The following ERCC6L2 variants were observed in gnomAD, a reference collection of about 807,000 sequenced individuals.
ERCC6L2 encodes DNA excision repair protein ERCC-6-like 2.
In ERCC6L2, 77 loss-of-function variants were observed where a neutral mutation model predicts 132.0. The observed-to-expected ratio is 0.58, with a 90% CI of 0.49 to 0.71. The LOEUF is 0.71. Among genes scored for constraint, ERCC6L2 ranks in the 30% least tolerant of loss-of-function variants. The pLI, the probability that ERCC6L2 is intolerant of heterozygous loss-of-function variation, is 0.00. For synonymous variants in ERCC6L2, 583 were observed against 632.4 expected, an observed-to-expected ratio of 0.92 and a Z score of 1.17; for missense variants, 1,542 against 1,837.6, an observed-to-expected ratio of 0.84 and a Z score of 2.94.
At chr9:96,036,116 C>A (rs1466236491) in intron 19 of ERCC6L2, among the ~76,000 whole-genome samples, 1 of 152,036 alleles carries the variant, frequency 6.6e-6, no homozygotes, top group Admixed American at 6.6e-5. Flanking sequence ...CCAGTAATAC[C>A]CACACTCACA....
At chr9:95,984,429 A>C (rs879216586) in intron 17 of ERCC6L2, among the ~76,000 whole-genome samples, 2 of 151,494 alleles carry the variant, frequency 1.3e-5, no homozygotes, top group Admixed American at 1.3e-4. Flanking sequence ...TCAGCCTTAT[A>C]TTTCTGATCC....
chr9:95,932,297 C>T (rs905857619), intron 11 of ERCC6L2, among the ~76,000 whole-genome samples: 3 of 152,122 alleles, frequency 2.0e-5, no homozygotes, highest in Admixed American at 2.0e-4. Context: ...AACTCCTGAC[C>T]TCGTGATCTA....
intron 19 of ERCC6L2, among the ~76,000 whole-genome samples, chr9:96,026,779 A>G (rs1286118745): frequency 1.2e-5 from 1 of 86,686 alleles, no homozygotes; most frequent in Non-Finnish European, 2.1e-5. Context: ...CCACACACAA[A>G]CACCACACAC....
At chr9:96,030,720 AGC>A (rs1320119393) in intron 19 of ERCC6L2, among the ~76,000 whole-genome samples, 5 of 149,934 alleles carry the variant, frequency 3.3e-5, no homozygotes, top group African/African-American at 7.4e-5. Flanking sequence ...AAAAAAAAAA[AGC>A]TGTAACACTC....
intron 17 of ERCC6L2, among the ~76,000 whole-genome samples, chr9:95,994,748 T>C (rs927945824): frequency 4.6e-5 from 7 of 151,238 alleles, no homozygotes; most frequent in African/African-American, 1.7e-4. Flanking sequence ...CAGAGATTAC[T>C]GATAATATTT....
At chr9:95,952,493 G>C (rs1295180982) in intron 12 of ERCC6L2, among the ~76,000 whole-genome samples, 1 of 152,022 alleles carries the variant, frequency 6.6e-6, no homozygotes, top group Non-Finnish European at 1.5e-5. Flanking sequence ...AAGGAAAAAA[G>C]ACACATAATC....
At chr9:95,926,764 T>C (rs558137852) in intron 9 of ERCC6L2, among the ~76,000 whole-genome samples, 46 of 152,256 alleles carry the variant, frequency 3.0e-4, no homozygotes, top group African/African-American at 9.9e-4. Flanking sequence ...TAAACCCTAA[T>C]GTAAATTATG....
chr9:95,921,727 A>C (rs1391185170), intron 7 of ERCC6L2, among the ~76,000 whole-genome samples: 1 of 152,168 alleles, frequency 6.6e-6, no homozygotes, highest in African/African-American at 2.4e-5. Flanking sequence ...GTATCAAAGA[A>C]AGTGTTTTTT....
Position 95,951,494 on chromosome 9 carries a change from G to C in ERCC6L2, c.1848-4420G>C, listed in dbSNP as rs543780861. The stretch of plus-strand genomic sequence containing the variant: ...AAACAAAGAATAGAAAAACGACAGA[G>C]GCAATCAATGAAACCAAGAGTTGGT... On this transcript the variant is annotated intron_variant, in intron 12 of 18. Coordinates refer to ENST00000653738, the MANE Select transcript of ERCC6L2 (RefSeq NM_020207.7). Among the ~76,000 whole-genome samples the C allele has an allele frequency of 2.6e-5, 4 of 152,166 alleles. No individual in the cohort carries two copies. The South Asian group carries it at 6.2e-4, about 24-fold the overall frequency.
rs758835002 is a variant in ERCC6L2 at position 95,880,842 on chromosome 9, G to C, written c.47-27G>C. The C allele has an allele frequency of 9.0e-6, 14 of 1,564,218 alleles. No homozygotes were observed. In the African/African-American group the frequency reaches 1.2e-4, roughly 14 times the overall value. On this transcript the variant is annotated intron_variant, in intron 1 of 18. Coordinates refer to ENST00000653738, the MANE Select transcript of ERCC6L2 (RefSeq NM_020207.7). ...GGTGTTACTTTATAAGCTAGCTTTGGAAACTTTATTTTCTTTATTCTTGCA... is the reference window on the plus strand; with the variant it reads ...GGTGTTACTTTATAAGCTAGCTTTGCAAACTTTATTTTCTTTATTCTTGCA...
intron 2 of ERCC6L2, among the ~76,000 whole-genome samples, chr9:95,892,458 C>G (rs910336341): frequency 2.8e-5 from 4 of 142,714 alleles, no homozygotes; most frequent in Non-Finnish European, 6.0e-5. Flanking sequence ...CAAGGTCCTG[C>G]TCCCTCACCC....
intron 20 of ERCC6L2, among the ~76,000 whole-genome samples, chr9:96,039,873 C>T (rs776045981): frequency 7.2e-5 from 11 of 152,062 alleles, no homozygotes; most frequent in Non-Finnish European, 1.2e-4. Flanking sequence ...GGTGCTGAGT[C>T]ACTCCACAGT....
chr9:95,950,110 C>T (rs980888162), intron 12 of ERCC6L2, among the ~76,000 whole-genome samples: 7 of 151,892 alleles, frequency 4.6e-5, no homozygotes, highest in Non-Finnish European at 1.5e-5. Context: ...TAAAGATCTC[C>T]AGTTAAGGTA....
At chr9:95,879,128 A>C (rs928404561) in intron 1 of ERCC6L2, among the ~76,000 whole-genome samples, 1 of 151,808 alleles carries the variant, frequency 6.6e-6, no homozygotes, top group African/African-American at 2.4e-5. Context: ...CCAACAGTGT[A>C]AAAGTGTTCC....
chr9:95,907,834 C>CACACACACACACACACACACACACAA (rs1445012457), intron 4 of ERCC6L2, among the ~76,000 whole-genome samples: 15 of 114,484 alleles, frequency 1.3e-4, no homozygotes, highest in Admixed American at 7.6e-4. Context: ...ACTACACACA[C>CACACACACACACACACACACACACAA]ACACACACAC....
intron 2 of ERCC6L2, among the ~76,000 whole-genome samples, chr9:95,890,191 C>T (rs1207877574): frequency 1.3e-5 from 2 of 152,058 alleles, no homozygotes; most frequent in Non-Finnish European, 2.9e-5. Context: ...TAGACTATTC[C>T]AGCATCTTGG....
intron 8 of ERCC6L2, 112 bp from the exon 9 acceptor site, chr9:95,923,148 T>C: frequency 7.6e-7 from 1 of 1,316,870 alleles, no homozygotes; most frequent in Non-Finnish European, 1.0e-6. Flanking sequence ...AGCAAAAATC[T>C]TTAAAGTAAT....
chr9:95,918,809 A>G (rs1426243982), intron 6 of ERCC6L2: 2 of 165,270 alleles, frequency 1.2e-5, no homozygotes, highest in African/African-American at 4.8e-5. Flanking sequence ...CTCAGAAGCC[A>G]TCATCAGTCC....
chr9:95,958,034 C>T (rs1458000706), intron 13 of ERCC6L2, among the ~76,000 whole-genome samples: 10 of 115,908 alleles, frequency 8.6e-5, no homozygotes, highest in Non-Finnish European at 1.4e-4. Flanking sequence ...CCCCTCCCCC[C>T]ACCCCACAAC....
Sources: gnomAD v4.1 joint callset for allele counts (sites outside exome capture counted in the v4.1 genomes callset) on GRCh38, gnomAD v4.1.1 for gene constraint, MANE v1.5 for transcripts, NCBI Gene and HGNC (gene_info 2026-07-23, HGNC 2026-07-21) for gene names.